STXBP4: variants seen among roughly 807,000 people sequenced by gnomAD.
STXBP4 encodes syntaxin-binding protein 4.
STXBP4 carries 55 observed loss-of-function variants against 76.1 expected under a neutral mutation model. That is an observed-to-expected ratio of 0.72 (90% CI 0.58 to 0.91). STXBP4 has a LOEUF of 0.91. Among genes scored for constraint, STXBP4 ranks in the 40% least tolerant of loss-of-function variants. STXBP4 has a pLI of 0.00. For synonymous variants in STXBP4, 201 were observed against 220.2 expected (o/e 0.91, Z 0.77); for missense variants, 618 against 636.9 (o/e 0.97, Z 0.32).
In STXBP4 at chr17:54,999,460, A is replaced by G. The variant is rs2077870781; in HGVS notation, c.287+9A>G. ...ACCGGAGCCAAGTTGAGGTAACTAT[A>G]CTATCCATGAGATAGAATGAGTCAT... On this transcript the variant is annotated intron_variant, in intron 5 of 17. Transcript: ENST00000376352. 6.3e-7 allele frequency: 1 copy of G among 1,590,186 alleles called. No individual in the cohort carries two copies. Among genetic ancestry groups the G allele is most frequent in the Non-Finnish European group, 8.6e-7 (1 of 1,161,322 alleles).
At chr17:55,003,548 C>A (rs1483921723) in intron 7 of STXBP4, among the ~76,000 whole-genome samples, 1 of 152,076 alleles carries the variant, frequency 6.6e-6, no homozygotes, top group Non-Finnish European at 1.5e-5. Context: ...TAGATTGTTA[C>A]AAATCAGAAA....
chr17:55,140,179 G>A (rs759500281), intron 16 of STXBP4, among the ~76,000 whole-genome samples: 8 of 151,974 alleles, frequency 5.3e-5, no homozygotes, highest in African/African-American at 9.7e-5. Flanking sequence ...ATGGTGGCAC[G>A]TACCTATAGT....
At chr17:54,978,794 ATAG>A (rs1455444224) in intron 1 of STXBP4, among the ~76,000 whole-genome samples, 2 of 152,198 alleles carry the variant, frequency 1.3e-5, no homozygotes, top group African/African-American at 2.4e-5. Flanking sequence ...GTAAATAAAA[ATAG>A]TAGTTCCAAG....
At chr17:55,094,096 G>T (rs907838811) in intron 16 of STXBP4, among the ~76,000 whole-genome samples, 3 of 151,282 alleles carry the variant, frequency 2.0e-5, no homozygotes, top group African/African-American at 7.3e-5. Flanking sequence ...CAAAAACTAT[G>T]GGAAGGACCT....
At chr17:55,097,711 A>G (rs987957250) in intron 16 of STXBP4, among the ~76,000 whole-genome samples, 1 of 152,184 alleles carries the variant, frequency 6.6e-6, no homozygotes, top group Non-Finnish European at 1.5e-5. Flanking sequence ...AATGAAATAA[A>G]TTAGTTCACA....
At chr17:55,197,222 A>AC in the STXBP4 span, among the ~76,000 whole-genome samples, 1 of 152,240 alleles carries the variant, frequency 6.6e-6, no homozygotes, top group Admixed American at 6.5e-5. Flanking sequence ...AAGATGGAGA[A>AC]CTGTTGTGTG....
intron 16 of STXBP4, among the ~76,000 whole-genome samples, chr17:55,082,216 C>T (rs2144918612): frequency 6.6e-6 from 1 of 152,234 alleles, no homozygotes; most frequent in South Asian, 2.1e-4. Context: ...CAGAGAATCA[C>T]CACAAATGTG....
chr17:55,122,331 T>A (rs142902594), intron 16 of STXBP4, among the ~76,000 whole-genome samples: 2 of 152,190 alleles, frequency 1.3e-5, no homozygotes, highest in East Asian at 3.9e-4. Context: ...AGAAGTACCA[T>A]AGAGGAGGGG....
chr17:55,087,351 A>G (rs1305898417), intron 16 of STXBP4, among the ~76,000 whole-genome samples: 1 of 151,890 alleles, frequency 6.6e-6, no homozygotes, highest in African/African-American at 2.4e-5. Context: ...TTCCCAGACC[A>G]TTGTCTTGAA....
rs2080396426 is a variant in STXBP4 at position 55,169,811 on chromosome 17, C to G, written c.*9900C>G. ...ATCAAGTGGTTTGTCCCTGGACATT[C>G]AAGCAATTGAATGTCTAAACAATCC... On this transcript the variant is annotated 3_prime_UTR_variant, in exon 18 of 18. Coordinates refer to ENST00000376352, the MANE Select transcript of STXBP4 (RefSeq NM_178509.6). 6.6e-6 allele frequency: 1 copy of G among 152,166 alleles called. No individual in the cohort carries two copies. The allele number at this position is 152,166 out of a possible 1,614,324, so 9.4% of individuals were successfully genotyped here. A position where few individuals can be genotyped will look rare whatever the true frequency, so the allele number is the denominator to read the frequency against.
rs573488501 is a variant in STXBP4 at position 55,056,579 on chromosome 17, G to A, written c.1011+9425G>A. ...TTCAAAGCTACATCTGTTAAGTACC[G>A]TCACTAATTCTTGTCAGCTCAGTAT... On this transcript the variant is annotated intron_variant, in intron 12 of 17. Transcript: ENST00000376352. Among the ~76,000 whole-genome samples the A allele has an allele frequency of 1.8e-4, 28 of 152,176 alleles. No homozygotes were observed. In the South Asian group the frequency reaches 2.9e-3, roughly 16 times the overall value.
intron 17 of STXBP4, among the ~76,000 whole-genome samples, chr17:55,153,048 G>C (rs141518339): frequency 3.3e-5 from 5 of 152,154 alleles, no homozygotes; most frequent in Non-Finnish European, 7.4e-5. Context: ...GTCAGATTTG[G>C]GTCTAGATCC....
At chr17:55,079,738 C>G (rs1486224194) in intron 15 of STXBP4, among the ~76,000 whole-genome samples, 1 of 152,138 alleles carries the variant, frequency 6.6e-6, no homozygotes, top group Non-Finnish European at 1.5e-5. Context: ...GATCATACCA[C>G]TGCCCTCCAG....
rs1468506840 is a variant in STXBP4, at chr17:55,170,019, AAC to A, written c.*10112_*10113del. ...TACAATAAAACCAAAGTATTTTTAA[AAC>A]ACAGTAATTATGTTAGTGCAGGTAC... On this transcript the variant is annotated 3_prime_UTR_variant, in exon 18 of 18. Transcript: ENST00000376352. 2 of 152,220 alleles carry A rather than the reference AAC, an allele frequency of 1.3e-5. No homozygotes were observed. The highest frequency in any genetic ancestry group is 2.9e-5 in the Non-Finnish European group (2 of 68,040). 9.4% of individuals were successfully genotyped at this position (152,220 alleles called of 1,614,324 possible).
chr17:55,038,791 TA>T (rs2144720364), intron 10 of STXBP4, among the ~76,000 whole-genome samples: 1 of 152,002 alleles, frequency 6.6e-6, no homozygotes, highest in African/African-American at 2.4e-5. Flanking sequence ...CTTAAAATTA[TA>T]GAGAGAACAC....
chr17:55,083,143 T>C (rs2079278372), intron 16 of STXBP4, among the ~76,000 whole-genome samples: 1 of 151,940 alleles, frequency 6.6e-6, no homozygotes, highest in Non-Finnish European at 1.5e-5. Context: ...TGCCTGGCAT[T>C]TTTTTATTTT....
intron 16 of STXBP4, among the ~76,000 whole-genome samples, chr17:55,105,598 T>C (rs2079624402): frequency 6.6e-6 from 1 of 151,726 alleles, no homozygotes; most frequent in Non-Finnish European, 1.5e-5. Context: ...GCCTCCCAAG[T>C]AGCTGGGACG....
At chr17:55,042,066 G>A (rs1374481000) in intron 10 of STXBP4, among the ~76,000 whole-genome samples, 5 of 152,132 alleles carry the variant, frequency 3.3e-5, no homozygotes, top group Non-Finnish European at 5.9e-5. Flanking sequence ...AAGCTAATGT[G>A]ACAGACCAAA....
At position 55,138,718 on chromosome 17, in the gene STXBP4, G is replaced by A. The variant is rs184950711; in HGVS notation, c.1490-2592G>A. Among the ~76,000 whole-genome samples the A allele has an allele frequency of 5.9e-3, 896 of 152,174 alleles. 6 individuals carry two copies. Among genetic ancestry groups the A allele is most frequent in the Non-Finnish European group, 9.6e-3 (649 of 67,954 alleles). ...TTAAAACAATAATGATTATTGAAAA[G>A]TATTTAGATAATGTTAGTCATATCC... is the stretch of plus-strand genomic sequence containing the variant. On this transcript the variant is annotated intron_variant, in intron 16 of 17. Coordinates refer to ENST00000376352, the MANE Select transcript of STXBP4 (RefSeq NM_178509.6).
Sources: gnomAD v4.1 joint callset for allele counts (sites outside exome capture counted in the v4.1 genomes callset) on GRCh38, gnomAD v4.1.1 for gene constraint, MANE v1.5 for transcripts, NCBI Gene and HGNC (gene_info 2026-07-23, HGNC 2026-07-21) for gene names.